SBF2: variants seen among roughly 807,000 people sequenced by gnomAD.
The protein encoded by SBF2 is SET binding factor 2.
In SBF2, 112 loss-of-function variants were observed where a neutral mutation model predicts 225.2. That is an observed-to-expected ratio of 0.50 (90% CI 0.43 to 0.58). The LOEUF is 0.58. SBF2 is among the 20% of genes least tolerant of loss of function. The pLI is 0.00. For synonymous variants in SBF2, 763 were observed against 773.3 expected (o/e 0.99, Z 0.22); for missense variants, 1,996 against 2,206.2 (o/e 0.90, Z 1.91).
intron 17 of SBF2, among the ~76,000 whole-genome samples, chr11:9,883,422 A>G (rs1414724504): frequency 3.3e-5 from 5 of 152,084 alleles, no homozygotes; most frequent in Admixed American, 3.3e-4. Context: ...CTGTCCCCCA[A>G]AACAACCATT....
intron 17 of SBF2, among the ~76,000 whole-genome samples, chr11:9,891,058 C>G (rs1416943401): frequency 6.6e-6 from 1 of 152,046 alleles, no homozygotes; most frequent in South Asian, 2.1e-4. Flanking sequence ...ATCGCTTGAA[C>G]CCAGGAGGTA....
intron 1 of SBF2, among the ~76,000 whole-genome samples, chr11:10,211,642 G>C (rs924848791): frequency 2.6e-5 from 4 of 152,140 alleles, no homozygotes; most frequent in Admixed American, 6.5e-5. Context: ...TCACTGTAGG[G>C]GACCAGGATA....
At chr11:10,269,565 C>T (rs1962297288) in intron 1 of SBF2, among the ~76,000 whole-genome samples, 1 of 152,188 alleles carries the variant, frequency 6.6e-6, no homozygotes. Flanking sequence ...TTATTGTGTA[C>T]CAGACACTGT....
intron 13 of SBF2, among the ~76,000 whole-genome samples, chr11:9,980,657 G>A (rs1388110649): frequency 6.6e-6 from 1 of 151,650 alleles, no homozygotes; most frequent in Non-Finnish European, 1.5e-5. Flanking sequence ...CGAGATCTCG[G>A]CTTACTGCAA....
At chr11:10,023,457 C>A (rs1381349719) in intron 6 of SBF2, among the ~76,000 whole-genome samples, 1 of 152,086 alleles carries the variant, frequency 6.6e-6, no homozygotes, top group East Asian at 1.9e-4. Flanking sequence ...GTTGTACAAG[C>A]ATCATTAGTA....
chr11:9,931,318 C>G (rs375250291), intron 16 of SBF2, among the ~76,000 whole-genome samples: 4 of 152,328 alleles, frequency 2.6e-5, no homozygotes, highest in African/African-American at 7.2e-5. Context: ...GGTCCCTGAC[C>G]CCTGTGTAGT....
chr11:10,230,640 T>C (rs1958801564), intron 1 of SBF2, among the ~76,000 whole-genome samples: 1 of 152,200 alleles, frequency 6.6e-6, no homozygotes, highest in Non-Finnish European at 1.5e-5. Flanking sequence ...ATGTTGGCCC[T>C]CAGTTTCTTT....
intron 1 of SBF2, among the ~76,000 whole-genome samples, chr11:10,235,322 G>T (rs944087211): frequency 6.6e-6 from 1 of 152,152 alleles, no homozygotes; most frequent in Non-Finnish European, 1.5e-5. Flanking sequence ...ATCACCTGAG[G>T]TGAAGAGTTT....
intron 2 of SBF2, among the ~76,000 whole-genome samples, chr11:10,091,663 T>A (rs1951787423): frequency 1.3e-5 from 2 of 152,152 alleles, no homozygotes; most frequent in Non-Finnish European, 2.9e-5. Context: ...AGGAACTGTA[T>A]CTCATCATTT....
At position 9,974,960 on chromosome 11, in the gene SBF2, CAAAAAAAAAAAAAA is replaced by C. The variant is rs1166081188; in HGVS notation, c.1396-6429_1396-6416del. ...GGGCAACAACAGCGAAACTTTGACTCAAAAAAAAAAAAAAAAAAAAAAAAAAAAGAAAAAAAGAA... is the reference window on the plus strand; with the variant it reads ...GGGCAACAACAGCGAAACTTTGACTCAAAAAAAAAAAAAAGAAAAAAAGAA... On this transcript the variant is annotated intron_variant, in intron 13 of 39. Coordinates refer to ENST00000256190, the MANE Select transcript of SBF2 (RefSeq NM_030962.4). Among the ~76,000 whole-genome samples the C allele has an allele frequency of 7.6e-3, 178 of 23,274 alleles. 2 individuals carry two copies. Among genetic ancestry groups the C allele is most frequent in the African/African-American group, 0.02 (171 of 8,528 alleles). The allele number at this position is 23,274 out of a possible 152,430, so 15.3% of individuals were successfully genotyped here.
chr11:10,188,674 T>C (rs1350071060), intron 2 of SBF2, among the ~76,000 whole-genome samples: 1 of 151,908 alleles, frequency 6.6e-6, no homozygotes, highest in Non-Finnish European at 1.5e-5. Context: ...ACACCAAGAT[T>C]AATTAATCTC....
At chr11:10,118,443 A>C (rs1258800891) in intron 2 of SBF2, among the ~76,000 whole-genome samples, 2 of 152,212 alleles carry the variant, frequency 1.3e-5, no homozygotes, top group African/African-American at 2.4e-5. Flanking sequence ...TTTTAAAATT[A>C]CAAGTAATAT....
intron 37 of SBF2, chr11:9,784,924 C>G (rs765132695): frequency 2.7e-4 from 170 of 620,882 alleles, no homozygotes; most frequent in Non-Finnish European, 4.7e-4. Context: ...TAACTACAAC[C>G]TCTTCGAATT....
At chr11:10,105,847 A>G (rs1952523735) in intron 2 of SBF2, among the ~76,000 whole-genome samples, 1 of 152,252 alleles carries the variant, frequency 6.6e-6, no homozygotes, top group African/African-American at 2.4e-5. Flanking sequence ...AATCTAATGC[A>G]TAGTGACAGA....
chr11:10,149,152 T>A (rs1029960682), intron 2 of SBF2: 2 of 152,398 alleles, frequency 1.3e-5, no homozygotes, highest in African/African-American at 4.8e-5. Flanking sequence ...ATCTGCTTTA[T>A]TTTTTTGCTT....
chr11:10,160,500 A>C (rs2135206292), intron 2 of SBF2, among the ~76,000 whole-genome samples: 1 of 152,330 alleles, frequency 6.6e-6, no homozygotes, highest in Non-Finnish European at 1.5e-5. Context: ...GGAAAAAGAG[A>C]GGCGGAAAAA....
chr11:10,068,437 T>C (rs1950718904), intron 2 of SBF2, among the ~76,000 whole-genome samples: 1 of 152,178 alleles, frequency 6.6e-6, no homozygotes, highest in African/African-American at 2.4e-5. Flanking sequence ...TGTTTTCCTA[T>C]TTCTTACCCA....
At chr11:10,089,470 A>G (rs983656151) in intron 2 of SBF2, among the ~76,000 whole-genome samples, 13 of 152,126 alleles carry the variant, frequency 8.5e-5, no homozygotes, top group African/African-American at 3.1e-4. Flanking sequence ...CCAACTATTC[A>G]TCAAAATAGT....
Position 10,195,809 on chromosome 11 carries a change from C to G in SBF2, c.56-1822G>C, listed in dbSNP as rs1045942250. Among the ~76,000 whole-genome samples the G allele has an allele frequency of 2.6e-5, 4 of 152,278 alleles. No homozygotes were observed. The East Asian group carries it at 7.7e-4, about 29-fold the overall frequency. ...TATTCTCAATTAAAATGAATAATTG[C>G]TGCAGTACAGTAACTTATCTATCTC... On this transcript the variant is annotated intron_variant, in intron 1 of 39. Coordinates refer to ENST00000256190, the MANE Select transcript of SBF2 (RefSeq NM_030962.4).
Sources: gnomAD v4.1 joint callset for allele counts (sites outside exome capture counted in the v4.1 genomes callset) on GRCh38, gnomAD v4.1.1 for gene constraint, MANE v1.5 for transcripts, NCBI Gene and HGNC (gene_info 2026-07-23, HGNC 2026-07-21) for gene names.